Variants in PPM1A observed in about 807,000 individuals in gnomAD.
The protein encoded by PPM1A is protein phosphatase 1A.
Under a neutral mutation model 35.0 loss-of-function variants are expected in PPM1A, and 7 were observed. The ratio of observed to expected loss-of-function variants is 0.20; its 90% confidence interval spans 0.11 to 0.38. The LOEUF is 0.38. Among genes scored for constraint, PPM1A ranks in the 10% least tolerant of loss-of-function variants. The pLI is 1.00. For synonymous variants in PPM1A, 153 were observed against 167.3 expected, an observed-to-expected ratio of 0.91 and a Z score of 0.66; for missense variants, 239 against 467.8, an observed-to-expected ratio of 0.51 and a Z score of 4.51.
At chr14:60,253,093 G>A (rs1294658500) in intron 1 of PPM1A, among the ~76,000 whole-genome samples, 1 of 152,114 alleles carries the variant, frequency 6.6e-6, no homozygotes, top group Non-Finnish European at 1.5e-5. Flanking sequence ...TATAATATTA[G>A]AGATGTTTTA....
Position 60,283,085 on chromosome 14 carries a change from A to G in PPM1A, c.382A>G (p.Thr128Ala), listed in dbSNP as rs1335602816. ...ACATGGTGCAGATAGAAGTGGGTCA[A>G]CAGCTGTAGGTGTCTTAATTTCTCC... ...KKHGADRSGS[T>A]AVGVLISPQH... The change falls in exon 2 of 6, where the codon ACA (threonine) becomes GCA (alanine). Residue 128 changes from threonine (T) to alanine (A), a missense_variant. Transcript: ENST00000395076. This position sits in a 1 kb window ranked among gnomAD's most constrained non-coding sequence, Gnocchi z 6.3. The G allele has an allele frequency of 6.2e-7, 1 of 1,614,128 alleles. No homozygotes were observed. The highest frequency in any genetic ancestry group is 1.7e-5 in the Admixed American group (1 of 60,010).
chr14:60,268,640 T>A (rs1302225337), intron 1 of PPM1A, among the ~76,000 whole-genome samples: 2 of 151,970 alleles, frequency 1.3e-5, no homozygotes, highest in Non-Finnish European at 2.9e-5. Context: ...TTCTTTAGTA[T>A]ACTGGTTTTT....
intron 3 of PPM1A, 150 bp downstream of exon 3, chr14:60,285,891 G>A (rs955506653): frequency 1.4e-6 from 2 of 1,419,186 alleles, no homozygotes; most frequent in Admixed American, 3.0e-5. Flanking sequence ...TGTAGTAGCT[G>A]TTAAGATGTA....
chr14:60,284,280 T>C (rs549458360), intron 2 of PPM1A, among the ~76,000 whole-genome samples: 8 of 152,278 alleles, frequency 5.3e-5, no homozygotes, highest in African/African-American at 1.9e-4. Context: ...CCTCTATTAG[T>C]TTTGTACTCT....
intron 1 of PPM1A, among the ~76,000 whole-genome samples, chr14:60,265,011 G>T (rs527679945): frequency 2.6e-5 from 4 of 151,950 alleles, no homozygotes; most frequent in Admixed American, 6.6e-5. Context: ...TGTGTGTTTT[G>T]AGTTTGCTTT....
At chr14:60,274,832 A>T (rs746040845) in intron 1 of PPM1A, among the ~76,000 whole-genome samples, 1 of 151,144 alleles carries the variant, frequency 6.6e-6, no homozygotes, top group Non-Finnish European at 1.5e-5. Context: ...TATTCATTCA[A>T]TGTCATTTCA....
intron 1 of PPM1A, among the ~76,000 whole-genome samples, chr14:60,267,529 C>T (rs1884534999): frequency 6.6e-6 from 1 of 151,742 alleles, no homozygotes; most frequent in Non-Finnish European, 1.5e-5. Context: ...TTTTTTAGTG[C>T]TGTCTTTGTC....
chr14:60,263,488 C>T (rs932196810), intron 1 of PPM1A, among the ~76,000 whole-genome samples: 9 of 152,138 alleles, frequency 5.9e-5, no homozygotes, highest in Admixed American at 3.3e-4. Flanking sequence ...ATCTATTTAA[C>T]TCATCCTTTG....
Position 60,289,251 on chromosome 14 carries a change from T to G in PPM1A, c.953-555T>G, listed in dbSNP as rs1887365488. The stretch of plus-strand genomic sequence containing the variant: ...AAGGTACTTTAGAGAAGAATTAAAC[T>G]GAGACAGTGATGTTCAAGTACATAA... On this transcript the variant is annotated intron_variant, in intron 3 of 5. Transcript: ENST00000395076. This position sits in a 1 kb window ranked among gnomAD's most constrained non-coding sequence, Gnocchi z 4.1. Among the ~76,000 whole-genome samples, 1 of 152,142 alleles carries G rather than the reference T, an allele frequency of 6.6e-6. No homozygotes were observed.
rs1888239690 is a variant in PPM1A, at chr14:60,298,614, C to G, written c.*6132C>G. ...AAATAGCATATCTGCAGGAAAATAT[C>G]TTGTTTGTAGTGATATGCCCCAATA... On this transcript the variant is annotated 3_prime_UTR_variant, in exon 6 of 6. Coordinates refer to ENST00000395076, the MANE Select transcript of PPM1A (RefSeq NM_021003.5). 1.3e-5 allele frequency: 2 copies of G among 151,734 alleles called. No individual in the cohort carries two copies. Among genetic ancestry groups the G allele is most frequent in the African/African-American group, 4.8e-5 (2 of 41,384 alleles). The allele number at this position is 151,734 out of a possible 1,614,324, so 9.4% of individuals were successfully genotyped here.
chr14:60,262,052 A>G (rs891926267), intron 1 of PPM1A, among the ~76,000 whole-genome samples: 2 of 152,226 alleles, frequency 1.3e-5, no homozygotes, highest in African/African-American at 4.8e-5. Flanking sequence ...TTTAAGGAAC[A>G]GGTGATAAAG....
chr14:60,247,560 G>T (rs954797601), upstream of PPM1A, among the ~76,000 whole-genome samples: 6 of 150,578 alleles, frequency 4.0e-5, no homozygotes, highest in South Asian at 4.2e-4. Context: ...AACCCGGGAG[G>T]CGGAGCTTGC....
intron 1 of PPM1A, chr14:60,277,048 T>A: frequency 8.2e-7 from 1 of 1,214,620 alleles, no homozygotes; most frequent in South Asian, 1.5e-5. Flanking sequence ...ATACTAGTGC[T>A]GTGATGAGAC....
chr14:60,248,316 C>T (rs1881924333), upstream of PPM1A, among the ~76,000 whole-genome samples: 1 of 152,228 alleles, frequency 6.6e-6, no homozygotes, highest in South Asian at 2.1e-4. Context: ...AAATCCTGTT[C>T]CCTTAACCTA....
intron 1 of PPM1A, among the ~76,000 whole-genome samples, chr14:60,252,496 C>G (rs1188656722): frequency 1.3e-5 from 2 of 152,152 alleles, no homozygotes; most frequent in Admixed American, 6.5e-5. Context: ...GATAAAACAA[C>G]ACATGGCCCT....
intron 3 of PPM1A, chr14:60,287,007 C>T (rs970492269): frequency 1.1e-6 from 1 of 905,012 alleles, no homozygotes; most frequent in East Asian, 1.2e-4. Flanking sequence ...ACTATTGATT[C>T]ATGGGAAAAT....
intron 2 of PPM1A, among the ~76,000 whole-genome samples, chr14:60,284,379 C>T (rs745493599): frequency 7.9e-5 from 12 of 152,120 alleles, no homozygotes; most frequent in East Asian, 1.9e-4. Context: ...CGGTGGCTCA[C>T]GCCTGTAATC....
At chr14:60,280,348 G>A (rs1370307631) in intron 1 of PPM1A, among the ~76,000 whole-genome samples, 3 of 152,130 alleles carry the variant, frequency 2.0e-5, no homozygotes, top group African/African-American at 7.2e-5. Context: ...AAAGAGATTC[G>A]GAAAGGTTCA....
Position 60,292,597 on chromosome 14 carries a change from G to A in PPM1A, c.*115G>A. 1.2e-6 allele frequency: 1 copy of A among 833,806 alleles called. No individual in the cohort carries two copies. The highest frequency in any genetic ancestry group is 1.9e-6 in the Non-Finnish European group (1 of 527,850). 51.7% of individuals were successfully genotyped at this position (833,806 alleles called of 1,614,324 possible). Reference sequence around the variant, plus strand: ...TTAAGGAAGGGGATATGACATGGGTGAGAATGATTACATCAGAGAACTTCA... The same window carrying A: ...TTAAGGAAGGGGATATGACATGGGTAAGAATGATTACATCAGAGAACTTCA... On this transcript the variant is annotated 3_prime_UTR_variant, in exon 6 of 6. Transcript: ENST00000395076. The surrounding 1 kb of genome is among the most constrained non-coding windows in gnomAD (Gnocchi z 4.2).
Sources: allele counts gnomAD v4.1 joint callset (sites outside exome capture counted in the v4.1 genomes callset), GRCh38; gene constraint gnomAD v4.1.1; non-coding constraint Gnocchi (gnomAD v3.1); transcripts MANE v1.5; gene names NCBI Gene and HGNC (gene_info 2026-07-23, HGNC 2026-07-21).